The following KIF13B variants were observed in gnomAD, a reference collection of about 807,000 sequenced individuals.
The protein encoded by KIF13B is kinesin family member 13B, also known as kinesin-like protein KIF13B.
Under a neutral mutation model 222.0 loss-of-function variants are expected in KIF13B, and 127 were observed. The ratio of observed to expected loss-of-function variants is 0.57; its 90% CI spans 0.50 to 0.66. The LOEUF (loss-of-function observed/expected upper bound fraction) is 0.66. Ranked by LOEUF, KIF13B falls within the 30% of genes least tolerant of loss-of-function variation. The pLI is 0.00. For synonymous variants in KIF13B, 976 were observed against 919.0 expected (o/e 1.06, Z -1.12); for missense variants, 2,173 against 2,379.0 (o/e 0.91, Z 1.80).
chr8:29,230,246 T>C (rs1008320659), intron 2 of KIF13B, among the ~76,000 whole-genome samples: 9 of 152,214 alleles, frequency 5.9e-5, no homozygotes, highest in Non-Finnish European at 1.5e-5. Context: ...TGAGTCATGC[T>C]TCTCTTCAAC....
At chr8:29,243,340 C>T (rs13254087) in intron 2 of KIF13B, among the ~76,000 whole-genome samples, 4,019 of 145,306 alleles carry the variant, frequency 0.028, 68 homozygotes, top group Non-Finnish European at 0.044. Flanking sequence ...CACAGCAAGA[C>T]CCAGTCTCAA....
chr8:29,097,771 T>C (rs1240629934), intron 36 of KIF13B, among the ~76,000 whole-genome samples: 1 of 152,162 alleles, frequency 6.6e-6, no homozygotes, highest in Non-Finnish European at 1.5e-5. Flanking sequence ...CTGAGATTAA[T>C]ATATATGATA....
At chr8:29,084,906 T>C (rs947170872) in intron 37 of KIF13B, among the ~76,000 whole-genome samples, 5 of 152,200 alleles carry the variant, frequency 3.3e-5, no homozygotes, top group African/African-American at 1.2e-4. Flanking sequence ...GACAGCAATT[T>C]TGTCAGCTGC....
At chr8:29,203,406 T>C (rs192522797) in intron 2 of KIF13B, among the ~76,000 whole-genome samples, 1 of 152,296 alleles carries the variant, frequency 6.6e-6, no homozygotes, top group East Asian at 1.9e-4. Flanking sequence ...AATTTCTCAG[T>C]TTAATCATGA....
At chr8:29,181,547 T>C (rs1205445712) in intron 7 of KIF13B, among the ~76,000 whole-genome samples, 2 of 152,054 alleles carry the variant, frequency 1.3e-5, no homozygotes, top group African/African-American at 4.8e-5. Context: ...AGAAGAATGT[T>C]TACAAAAAAA....
chr8:29,179,839 G>T (rs1462420854), intron 8 of KIF13B, among the ~76,000 whole-genome samples: 1 of 152,180 alleles, frequency 6.6e-6, no homozygotes, highest in Non-Finnish European at 1.5e-5. Flanking sequence ...CCGGGAGCCA[G>T]ATGTGTGCTG....
chr8:29,171,567 G>T (rs10103546), intron 10 of KIF13B, among the ~76,000 whole-genome samples: 4,976 of 151,366 alleles, frequency 0.033, 274 homozygotes, highest in African/African-American at 0.11. Flanking sequence ...AATTTAAGAA[G>T]GAAAAAGCAA....
Position 29,222,799 on chromosome 8 carries a change from G to A in KIF13B, c.149+22547C>T, listed in dbSNP as rs76835159. Among the ~76,000 whole-genome samples, 24 of 152,000 alleles carry A rather than the reference G, an allele frequency of 1.6e-4. No individual in the cohort carries two copies. In the East Asian group the frequency reaches 3.3e-3, roughly 21 times the overall value. On this transcript the variant is annotated intron_variant, in intron 2 of 39. Coordinates refer to ENST00000524189, the MANE Select transcript of KIF13B (RefSeq NM_015254.4). The stretch of plus-strand genomic sequence containing the variant: ...CTACTGTTTCACTTAGTGGCACTTT[G>A]CTTAACCTGTTATACACAGAAGGGG...
At position 29,262,537 on chromosome 8, in the gene KIF13B, G is replaced by GGGTCCCGGGC. The variant is rs1231588492; in HGVS notation, c.55+433_55+442dup. 9.4e-3 allele frequency among the ~76,000 whole-genome samples: 1,422 copies of GGGTCCCGGGC among 152,026 alleles called. 32 individuals are homozygous for GGGTCCCGGGC. The highest frequency in any genetic ancestry group is 0.033 in the African/African-American group (1,375 of 41,492). On this transcript the variant is annotated intron_variant, in intron 1 of 39. Coordinates refer to ENST00000524189, the MANE Select transcript of KIF13B (RefSeq NM_015254.4). ...CCCGGGCGAGACGCGGGGTCCCGGGGGGTCCCGGGCGGTCCCGAGGCGGGC... is the reference window on the plus strand; with the variant it reads ...CCCGGGCGAGACGCGGGGTCCCGGGGGGTCCCGGGCGGTCCCGGGCGGTCCCGAGGCGGGC...
intron 27 of KIF13B, 62 bp from the exon 28 acceptor site, chr8:29,123,554 T>G: frequency 6.3e-7 from 1 of 1,597,804 alleles, no homozygotes; most frequent in Admixed American, 1.7e-5. Context: ...CTTTTTGTCC[T>G]GAGTAAAGAC....
intron 1 of KIF13B, among the ~76,000 whole-genome samples, chr8:29,249,063 CATATTCTT>C (rs1287375238): frequency 5.3e-5 from 8 of 152,314 alleles, no homozygotes; most frequent in East Asian, 1.9e-4. Context: ...TTTATCCTCT[CATATTCTT>C]ATATTCTTAT....
chr8:29,203,611 C>A (rs1014772052), intron 2 of KIF13B, among the ~76,000 whole-genome samples: 1 of 152,012 alleles, frequency 6.6e-6, no homozygotes, highest in South Asian at 2.1e-4. Flanking sequence ...ACAGAAAATG[C>A]GCCAGGTGCG....
chr8:29,136,795 G>GTTT (rs1203051867), intron 21 of KIF13B, among the ~76,000 whole-genome samples: 2,109 of 116,716 alleles, frequency 0.018, 94 homozygotes, highest in African/African-American at 0.066. Context: ...CCTGTAACAG[G>GTTT]TTTTTTTTTT....
chr8:29,225,318 T>C (rs1814972271), intron 2 of KIF13B, among the ~76,000 whole-genome samples: 1 of 152,206 alleles, frequency 6.6e-6, no homozygotes, highest in Non-Finnish European at 1.5e-5. Flanking sequence ...AACCCTATTA[T>C]TTGCATTTTA....
In KIF13B at chr8:29,219,982, T is replaced by C. The variant is rs899205889; in HGVS notation, c.150-23783A>G. The stretch of plus-strand genomic sequence containing the variant: ...GGGAGGCTGAGGTGGAAGGATCACA[T>C]GAGCACAGGAAGTAGAGCTTGCAGT... On this transcript the variant is annotated intron_variant, in intron 2 of 39. Coordinates refer to ENST00000524189, the MANE Select transcript of KIF13B (RefSeq NM_015254.4). Among the ~76,000 whole-genome samples the C allele has an allele frequency of 2.0e-5, 3 of 151,980 alleles. No homozygotes were observed. The East Asian group carries it at 5.8e-4, about 29-fold the overall frequency.
intron 18 of KIF13B, among the ~76,000 whole-genome samples, chr8:29,145,000 C>T (rs1344439683): frequency 6.6e-6 from 1 of 152,140 alleles, no homozygotes; most frequent in East Asian, 1.9e-4. Flanking sequence ...TTTCAGGTTT[C>T]TGCTTTTTTC....
At chr8:29,095,854 A>G (rs2095078812) in intron 36 of KIF13B, among the ~76,000 whole-genome samples, 1 of 152,246 alleles carries the variant, frequency 6.6e-6, no homozygotes, top group Non-Finnish European at 1.5e-5. Flanking sequence ...GACCTTCAGG[A>G]AAGACTGGAT....
intron 11 of KIF13B, among the ~76,000 whole-genome samples, chr8:29,166,583 A>G (rs1812009536): frequency 1.3e-5 from 2 of 152,144 alleles, no homozygotes; most frequent in Non-Finnish European, 2.9e-5. Flanking sequence ...GTGCGCCTGT[A>G]ATCCCAGCTA....
chr8:29,227,659 C>G (rs923550729), intron 2 of KIF13B, among the ~76,000 whole-genome samples: 1 of 152,172 alleles, frequency 6.6e-6, no homozygotes, highest in Non-Finnish European at 1.5e-5. Flanking sequence ...TTGCGAATTT[C>G]TGCTCCAGGC....
Sources: gnomAD v4.1 joint callset for allele counts (sites outside exome capture counted in the v4.1 genomes callset) on GRCh38, gnomAD v4.1.1 for gene constraint, MANE v1.5 for transcripts, NCBI Gene and HGNC (gene_info 2026-07-23, HGNC 2026-07-21) for gene names.